The following GSTA1 variants were observed in gnomAD, a reference collection of about 807,000 sequenced individuals.
The protein encoded by GSTA1 is glutathione S-transferase alpha 1, also known as glutathione S-transferase A1.
A neutral mutation model predicts 21.5 loss-of-function variants in GSTA1; 23 were observed. The ratio of observed to expected loss-of-function variants is 1.07; its 90% CI spans 0.77 to 1.52. GSTA1 has a LOEUF of 1.52. Ranked by LOEUF, GSTA1 falls within the 40% of genes most tolerant of loss-of-function variation. The pLI is 0.00. For synonymous variants in GSTA1, 125 were observed against 90.0 expected (o/e 1.39, Z -2.20); for missense variants, 301 against 264.2 (o/e 1.14, Z -0.96).
intron 2 of GSTA1, among the ~76,000 whole-genome samples, chr6:52,797,989 G>C (rs1763629664): frequency 6.6e-6 from 1 of 152,178 alleles, no homozygotes; most frequent in Non-Finnish European, 1.5e-5. Flanking sequence ...CTCCAAGTGA[G>C]ATCAGACCAC....
chr6:52,792,991 G>A lies in GSTA1; in HGVS notation c.415-4C>T. ...CTTGTCCATGGCTCTTTAAGACCTG[G>A]AGAATGGGAGGAATCAGATCAGGAA... is the stretch of plus-strand genomic sequence containing the variant. On this transcript the variant is annotated splice_polypyrimidine_tract_variant and splice_region_variant and intron_variant, in intron 5 of 6. Transcript: ENST00000334575. 3.1e-6 allele frequency: 5 copies of A among 1,614,036 alleles called. No homozygotes were observed. Among genetic ancestry groups the A allele is most frequent in the Middle Eastern group, 1.7e-4 (1 of 6,060 alleles).
At chr6:52,795,735 T>A (rs1440615494) in intron 4 of GSTA1, among the ~76,000 whole-genome samples, 2 of 152,132 alleles carry the variant, frequency 1.3e-5, no homozygotes, top group Non-Finnish European at 2.9e-5. Context: ...GGTTGGTAAT[T>A]TAGGTTCCCG....
chr6:52,792,904 G>A lies in GSTA1; in HGVS notation c.498C>T (p.Tyr166=), dbSNP rs377120723. 201 of 1,613,974 alleles carry A rather than the reference G, an allele frequency of 1.2e-4. No homozygotes were observed. Among genetic ancestry groups the A allele is most frequent in the African/African-American group, 1.5e-4 (11 of 74,892 alleles). The change falls in exon 6 of 7, where the codon TAC becomes TAT. Residue 166 remains tyrosine, a synonymous_variant. Coordinates refer to ENST00000334575, the MANE Select transcript of GSTA1 (RefSeq NM_145740.5). ...ADIHLVELLY[Y]VEELDSSLIS... ...TAAGACTGGAGTCAAGCTCCTCGAC[G>A]TAGTAGAGAAGTTCCACCAGATGAA...
In GSTA1 at chr6:52,791,496, A is replaced by G. The variant is rs1028108305; in HGVS notation, c.*362T>C. ...TCTCCTGTGCATACCTGAAAATGTC[A>G]GAAGTGCATTTCTACATTGACATTT... is the stretch of plus-strand genomic sequence containing the variant. On this transcript the variant is annotated 3_prime_UTR_variant, in exon 7 of 7. Coordinates refer to ENST00000334575, the MANE Select transcript of GSTA1 (RefSeq NM_145740.5). Among the ~76,000 whole-genome samples, 26 of 152,264 alleles carry G rather than the reference A, an allele frequency of 1.7e-4. No homozygotes were observed. Among genetic ancestry groups the G allele is most frequent in the African/African-American group, 5.5e-4 (23 of 41,472 alleles).
At position 52,796,455 on chromosome 6, in the gene GSTA1, CTATATATATATATATA is replaced by C. The variant is rs70977384; in HGVS notation, c.140-157_140-142del. On this transcript the variant is annotated intron_variant, in intron 3 of 6. Transcript: ENST00000334575. ...GGTAAGATTTCACTTGAAACAAAAACTATATATATATATATATATATATATATATATATATGTGTGT... is the reference window on the plus strand; with the variant it reads ...GGTAAGATTTCACTTGAAACAAAAACTATATATATATATATATATGTGTGT... 5.4e-4 allele frequency: 135 copies of C among 252,318 alleles called. 7 individuals are homozygous for C. The highest frequency in any genetic ancestry group is 8.2e-4 in the African/African-American group (10 of 12,168). 15.6% of individuals were successfully genotyped at this position (252,318 alleles called of 1,614,324 possible). A position where few individuals can be genotyped will look rare whatever the true frequency, so the allele number is the denominator to read the frequency against.
In GSTA1 at chr6:52,796,254, T is replaced by C; in HGVS notation, c.200A>G (p.Gln67Arg). Reference sequence around the variant, plus strand: ...AATGTAGTTGAGAATGGCTCTGGTCTGCACCAGCTTCATCCCATCAATCTC... The same window carrying C: ...AATGTAGTTGAGAATGGCTCTGGTCCGCACCAGCTTCATCCCATCAATCTC... ...MVEIDGMKLV[Q>R]TRAILNYIAS... is the part of the protein sequence containing the mutation. Residue 67 changes from glutamine to arginine, a missense_variant, in exon 4 of 7, where the codon CAG (glutamine) becomes CGG (arginine). Coordinates refer to ENST00000334575, the MANE Select transcript of GSTA1 (RefSeq NM_145740.5). The C allele has an allele frequency of 6.2e-7, 1 of 1,613,928 alleles. No individual in the cohort carries two copies. Among genetic ancestry groups the C allele is most frequent in the East Asian group, 2.2e-5 (1 of 44,866 alleles).
At chr6:52,802,216 CTTG>C (rs1763734477) in intron 1 of GSTA1, among the ~76,000 whole-genome samples, 1 of 151,972 alleles carries the variant, frequency 6.6e-6, no homozygotes, top group African/African-American at 2.4e-5. Flanking sequence ...AAAAAATGGG[CTTG>C]TTTTGAAAGG....
chr6:52,792,730 T>G (rs544696941), intron 6 of GSTA1, 126 bp downstream of exon 6: 3 of 1,601,566 alleles, frequency 1.9e-6, no homozygotes, highest in African/African-American at 2.7e-5. Context: ...AAGCTCATTT[T>G]GGAGACCTTG....
intron 2 of GSTA1, 63 bp downstream of exon 2, chr6:52,799,118 T>C: frequency 6.8e-7 from 1 of 1,467,318 alleles, no homozygotes; most frequent in Middle Eastern, 1.7e-4. Context: ...ATAGTTTCTG[T>C]GGGAAAAGTA....
chr6:52,794,683 G>C (rs73740642), intron 4 of GSTA1, among the ~76,000 whole-genome samples: 5,518 of 152,254 alleles, frequency 0.036, 268 homozygotes, highest in African/African-American at 0.11. Flanking sequence ...GCACAGCCAT[G>C]TCAGCCATAT....
chr6:52,800,289 G>A (rs1278733591), intron 1 of GSTA1, among the ~76,000 whole-genome samples: 1 of 152,194 alleles, frequency 6.6e-6, no homozygotes, highest in Non-Finnish European at 1.5e-5. Context: ...GTAAATGATG[G>A]ATCGGGATGC....
intron 1 of GSTA1, among the ~76,000 whole-genome samples, chr6:52,800,348 A>G (rs1763685835): frequency 6.6e-6 from 1 of 152,226 alleles, no homozygotes; most frequent in Admixed American, 6.5e-5. Flanking sequence ...TTTCTATGTT[A>G]GTGTTTCTGA....
In GSTA1 at chr6:52,796,455, C is replaced by CTA. The variant is rs70977384; in HGVS notation, c.140-143_140-142dup. ...GGTAAGATTTCACTTGAAACAAAAA[C>CTA]TATATATATATATATATATATATAT... On this transcript the variant is annotated intron_variant, in intron 3 of 6. Coordinates refer to ENST00000334575, the MANE Select transcript of GSTA1 (RefSeq NM_145740.5). 13 of 250,200 alleles carry CTA rather than the reference C, an allele frequency of 5.2e-5. No individual in the cohort carries two copies. In the African/African-American group the frequency reaches 9.9e-4, roughly 19 times the overall value. The allele number at this position is 250,200 out of a possible 1,614,324, so 15.5% of individuals were successfully genotyped here.
At position 52,803,777 on chromosome 6, in the gene GSTA1, GTACT is replaced by G. The variant is rs1478816180; in HGVS notation, c.-31+4_-31+7del. The G allele has an allele frequency of 5.5e-6, 1 of 183,008 alleles. No individual in the cohort carries two copies. The highest frequency in any genetic ancestry group is 1.2e-5 in the Non-Finnish European group (1 of 86,292). 11.3% of individuals were successfully genotyped at this position (183,008 alleles called of 1,614,324 possible). A position where few individuals can be genotyped will look rare whatever the true frequency, so the allele number is the denominator to read the frequency against. The stretch of plus-strand genomic sequence containing the variant: ...CAATGTAGAGAAATTTATAAGATCA[GTACT>G]TACTTTGTTAAACGCTGTCACCGTC... On this transcript the variant is annotated splice_donor_5th_base_variant and intron_variant, in intron 1 of 6. Transcript: ENST00000334575.
intron 3 of GSTA1, among the ~76,000 whole-genome samples, 159 bp from the exon 4 acceptor site, chr6:52,796,473 ATATATATATATATATATGTGTGTG>A (rs1476613676): frequency 1.8e-4 from 2 of 10,866 alleles, no homozygotes; most frequent in African/African-American, 5.0e-4. Context: ...ATATATATAT[ATATATATATATATATATGTGTGTG>A]TGTGTGTGTG....
intron 4 of GSTA1, among the ~76,000 whole-genome samples, chr6:52,795,702 C>T (rs1331868362): frequency 6.6e-6 from 1 of 152,136 alleles, no homozygotes; most frequent in South Asian, 2.1e-4. Flanking sequence ...TAGCCCTGCT[C>T]AAGTATTCCA....
At chr6:52,798,879 G>T (rs1036766181) in intron 2 of GSTA1, among the ~76,000 whole-genome samples, 1 of 152,000 alleles carries the variant, frequency 6.6e-6, no homozygotes, top group Non-Finnish European at 1.5e-5. Flanking sequence ...ATATTCAATC[G>T]ATATTCATGT....
Position 52,796,274 on chromosome 6 carries a change from A to T in GSTA1, c.180T>A (p.Ile60=). 6.2e-7 allele frequency: 1 copy of T among 1,613,768 alleles called. No homozygotes were observed. Among genetic ancestry groups the T allele is most frequent in the Non-Finnish European group, 8.5e-7 (1 of 1,179,956 alleles). The change falls in exon 4 of 7, where the codon ATT becomes ATA. Residue 60 remains isoleucine (I), a synonymous_variant. Coordinates refer to ENST00000334575, the MANE Select transcript of GSTA1 (RefSeq NM_145740.5). ...LMFQQVPMVE[I]DGMKLVQTRA... ...TGGTCTGCACCAGCTTCATCCCATC[A>T]ATCTCAACCATTGGCACTTGCTGGA... is the stretch of plus-strand genomic sequence containing the variant.
chr6:52,797,957 C>T (rs1763628835), intron 2 of GSTA1, among the ~76,000 whole-genome samples: 1 of 152,174 alleles, frequency 6.6e-6, no homozygotes, highest in African/African-American at 2.4e-5. Context: ...ATGGTGTTGT[C>T]ATATCTTAGG....
Sources: gnomAD v4.1 joint callset for allele counts (sites outside exome capture counted in the v4.1 genomes callset) on GRCh38, gnomAD v4.1.1 for gene constraint, MANE v1.5 for transcripts, NCBI Gene and HGNC (gene_info 2026-07-23, HGNC 2026-07-21) for gene names.